LMOD1: variants seen among roughly 807,000 people sequenced by gnomAD.
The protein encoded by LMOD1 is leiomodin 1.
A neutral mutation model predicts 36.5 loss-of-function variants in LMOD1; 8 were observed. The observed-to-expected ratio is 0.22, with a 90% CI of 0.13 to 0.40. The LOEUF (loss-of-function observed/expected upper bound fraction) is 0.40, where lower values mean the gene tolerates loss of function less well. LMOD1 is among the 10% of genes least tolerant of loss of function. The pLI, the probability that LMOD1 is intolerant of heterozygous loss-of-function variation, is 1.00. For synonymous variants in LMOD1, 284 were observed against 288.7 expected (o/e 0.98, Z 0.17); for missense variants, 630 against 751.1 (o/e 0.84, Z 1.88).
At chr1:201,926,373 A>G (rs774132031) in intron 1 of LMOD1, among the ~76,000 whole-genome samples, 16 of 152,114 alleles carry the variant, frequency 1.1e-4, no homozygotes, top group Non-Finnish European at 1.8e-4. Context: ...TCTGTTTATC[A>G]TCTTGTTTGG....
At chr1:201,910,011 A>G (rs1681468296) in intron 1 of LMOD1, among the ~76,000 whole-genome samples, 1 of 152,182 alleles carries the variant, frequency 6.6e-6, no homozygotes, top group South Asian at 2.1e-4. Context: ...TGAAATAAGA[A>G]TGTTAATCAC....
At chr1:201,920,045 C>CTTTTTTTT in intron 1 of LMOD1, among the ~76,000 whole-genome samples, 1 of 52,534 alleles carries the variant, frequency 1.9e-5, no homozygotes, top group Non-Finnish European at 3.7e-5. Flanking sequence ...GGCTCTCTCT[C>CTTTTTTTT]TTTTTTTTTT....
Position 201,899,628 on chromosome 1 carries a change from G to A in LMOD1, c.1385C>T (p.Thr462Ile). ...YHFELAGPRM[T>I]VTNLLSRNMD... Reference sequence around the variant, plus strand: ...GTTGCGGCTGAGCAGATTGGTGACAGTCATTCGGGGCCCGGCCAGCTCAAA... The same window carrying A: ...GTTGCGGCTGAGCAGATTGGTGACAATCATTCGGGGCCCGGCCAGCTCAAA... The change falls in exon 2 of 3, where the codon ACT (threonine) becomes ATT (isoleucine). Residue 462 changes from threonine to isoleucine, a missense_variant. Thr to Ile is a moderately conservative substitution (Grantham distance 89). Around this residue, in one of 3 missense-constraint regions of LMOD1, gnomAD observed 144 missense variants for 169.8 expected, o/e 0.85. Transcript: ENST00000367288. This position sits in a 1 kb window ranked among gnomAD's most constrained non-coding sequence, Gnocchi z 6.3. 6.2e-7 allele frequency: 1 copy of A among 1,612,992 alleles called. No individual in the cohort carries two copies. The highest frequency in any genetic ancestry group is 2.2e-5 in the East Asian group (1 of 44,844).
intron 1 of LMOD1, among the ~76,000 whole-genome samples, chr1:201,940,306 C>A (rs1450228473): frequency 6.6e-6 from 1 of 151,508 alleles, no homozygotes; most frequent in Non-Finnish European, 1.5e-5. Context: ...CCTGCCTCAG[C>A]CTCCCGAGCA....
chr1:201,901,073 A>T (rs774963891), intron 1 of LMOD1, among the ~76,000 whole-genome samples: 3 of 152,216 alleles, frequency 2.0e-5, no homozygotes, highest in Non-Finnish European at 4.4e-5. Flanking sequence ...TGGGTGATTT[A>T]GAAGGACTGC....
rs370946496 is a variant in LMOD1 at position 201,901,660 on chromosome 1, G to GTATA, written c.262-913_262-910dup. The stretch of plus-strand genomic sequence containing the variant: ...TATATATATATATACATATATATGT[G>GTATA]TATATATATATATACACATATATAT... On this transcript the variant is annotated intron_variant, in intron 1 of 2. Transcript: ENST00000367288. 9.3e-5 allele frequency among the ~76,000 whole-genome samples: 8 copies of GTATA among 85,606 alleles called. 1 individual carries two copies. The highest frequency in any genetic ancestry group is 3.4e-4 in the African/African-American group (7 of 20,758). 56.2% of individuals were successfully genotyped at this position (85,606 alleles called of 152,430 possible).
At chr1:201,939,424 C>A (rs958741502) in intron 1 of LMOD1, among the ~76,000 whole-genome samples, 58 of 152,272 alleles carry the variant, frequency 3.8e-4, no homozygotes, top group African/African-American at 1.3e-3. Flanking sequence ...TTCTTTCTTC[C>A]TTGGGTAACT....
intron 1 of LMOD1, among the ~76,000 whole-genome samples, chr1:201,939,702 T>A (rs1245419921): frequency 6.6e-6 from 1 of 152,188 alleles, no homozygotes; most frequent in Non-Finnish European, 1.5e-5. Context: ...CATGTAAATA[T>A]TAGCGTCGCC....
intron 1 of LMOD1, among the ~76,000 whole-genome samples, chr1:201,928,324 G>C (rs569407929): frequency 6.6e-6 from 1 of 152,362 alleles, no homozygotes; most frequent in East Asian, 1.9e-4. Flanking sequence ...GAGAAAAGCT[G>C]ATCAGTTGCC....
At chr1:201,902,795 CCT>C (rs1681353885) in intron 1 of LMOD1, among the ~76,000 whole-genome samples, 1 of 152,116 alleles carries the variant, frequency 6.6e-6, no homozygotes, top group African/African-American at 2.4e-5. Context: ...TCCATGGATC[CCT>C]GTTTCTTCCT....
In LMOD1 at chr1:201,900,674, C is replaced by T. The variant is rs1394128990; in HGVS notation, c.339G>A (p.Leu113=). The change falls in exon 2 of 3, where the codon CTG becomes CTA. Residue 113 remains leucine (L), a synonymous_variant. Coordinates refer to ENST00000367288, the MANE Select transcript of LMOD1 (RefSeq NM_012134.3). ...ERGRDASKKA[L]GPRRDSDLGK... The stretch of plus-strand genomic sequence containing the variant: ...CCAGATCTGAGTCCCGTCTGGGGCC[C>T]AGGGCTTTTTTGCTGGCATCTCTGC... 1 of 1,613,774 alleles carries T rather than the reference C, an allele frequency of 6.2e-7. No homozygotes were observed. Among genetic ancestry groups the T allele is most frequent in the Non-Finnish European group, 8.5e-7 (1 of 1,179,888 alleles).
chr1:201,937,216 C>A (rs1682033331), intron 1 of LMOD1, among the ~76,000 whole-genome samples: 1 of 151,842 alleles, frequency 6.6e-6, no homozygotes. Flanking sequence ...GAGGCCAAGG[C>A]AGGAGGCTCA....
In LMOD1 at chr1:201,924,087, C is replaced by G. The variant is rs192332713; in HGVS notation, c.261+21993G>C. Among the ~76,000 whole-genome samples the G allele has an allele frequency of 3.0e-3, 457 of 151,096 alleles. 1 individual carries two copies. Among genetic ancestry groups the G allele is most frequent in the African/African-American group, 0.011 (441 of 41,206 alleles). On this transcript the variant is annotated intron_variant, in intron 1 of 2. Transcript: ENST00000367288. ...ATCCCAGCACTTTGGGAGGCCGAGG[C>G]GGGCAGATCACGAGGTCAGGAGATC...
chr1:201,922,808 G>A (rs984569212), intron 1 of LMOD1, among the ~76,000 whole-genome samples: 1 of 151,234 alleles, frequency 6.6e-6, no homozygotes, highest in Non-Finnish European at 1.5e-5. Flanking sequence ...TAAAAACACT[G>A]CATTGGGTAT....
intron 1 of LMOD1, among the ~76,000 whole-genome samples, chr1:201,913,950 T>C (rs1681555534): frequency 6.6e-6 from 1 of 152,242 alleles, no homozygotes; most frequent in Non-Finnish European, 1.5e-5. Flanking sequence ...TTGGCTATTG[T>C]GAATAATGCT....
Position 201,900,120 on chromosome 1 carries a change from C to T in LMOD1, c.893G>A (p.Gly298Asp). 6.2e-7 allele frequency: 1 copy of T among 1,613,902 alleles called. No homozygotes were observed. The highest frequency in any genetic ancestry group is 8.5e-7 in the Non-Finnish European group (1 of 1,179,866). Residue 298 changes from glycine to aspartate, a missense_variant, in exon 2 of 3, where the codon GGC becomes GAC. Around this residue, in one of 3 missense-constraint regions of LMOD1, gnomAD observed 405 missense variants for 400.6 expected, o/e 1.01. Coordinates refer to ENST00000367288, the MANE Select transcript of LMOD1 (RefSeq NM_012134.3). Reference sequence around the variant, plus strand: ...CGGTCCTTCAGAGGGCTTGGTGGGGCCACTGGGCGTCTGTTTCTCGGGTGT... The same window carrying T: ...CGGTCCTTCAGAGGGCTTGGTGGGGTCACTGGGCGTCTGTTTCTCGGGTGT... ...TKTPEKQTPS[G>D]PTKPSEGPAK...
intron 1 of LMOD1, among the ~76,000 whole-genome samples, chr1:201,919,492 C>G (rs543552757): frequency 8.5e-5 from 13 of 152,334 alleles, no homozygotes; most frequent in African/African-American, 2.9e-4. Flanking sequence ...GCATGAGCCA[C>G]CACGCCTGGC....
chr1:201,903,011 AT>A (rs1462960822), intron 1 of LMOD1, among the ~76,000 whole-genome samples: 3 of 152,194 alleles, frequency 2.0e-5, no homozygotes, highest in African/African-American at 7.2e-5. Context: ...GGAAGAGACT[AT>A]GGTTTGAATA....
chr1:201,917,758 T>C (rs753913656), intron 1 of LMOD1, among the ~76,000 whole-genome samples: 2 of 152,240 alleles, frequency 1.3e-5, no homozygotes, highest in African/African-American at 4.8e-5. Context: ...TGTAAAGATC[T>C]ACACAAATGC....
Sources: allele counts gnomAD v4.1 joint callset (sites outside exome capture counted in the v4.1 genomes callset), GRCh38; gene constraint gnomAD v4.1.1; regional missense constraint gnomAD v4.1.1; non-coding constraint Gnocchi (gnomAD v3.1); transcripts MANE v1.5; gene names NCBI Gene and HGNC (gene_info 2026-07-23, HGNC 2026-07-21).